CSMD3: variants seen among roughly 807,000 people sequenced by gnomAD.
CSMD3 encodes the protein CUB and Sushi multiple domains 3, also known as CUB and sushi domain-containing protein 3.
A neutral mutation model predicts 435.2 loss-of-function variants in CSMD3; 177 were observed. The ratio of observed to expected loss-of-function variants is 0.41; its 90% CI spans 0.36 to 0.46. The LOEUF is 0.46. CSMD3 is among the 20% of genes least tolerant of loss of function. The pLI is 0.34. For missense variants in CSMD3, 4,265 were observed against 4,504.6 expected (o/e 0.95, Z 1.52); for synonymous variants, 1,656 against 1,520.5 (o/e 1.09, Z -2.07).
chr8:112,240,009 T>C (rs1006715244), intron 66 of CSMD3, among the ~76,000 whole-genome samples: 23 of 152,178 alleles, frequency 1.5e-4, no homozygotes, highest in Middle Eastern at 3.4e-3. Flanking sequence ...CAAATTTCCC[T>C]CTTAACTTTC....
chr8:113,408,645 G>A (rs556295016), intron 1 of CSMD3, among the ~76,000 whole-genome samples: 1 of 151,512 alleles, frequency 6.6e-6, no homozygotes, highest in Non-Finnish European at 1.5e-5. Context: ...ACATTTCCAC[G>A]TGACAAGGAG....
At chr8:112,957,718 G>A (rs963919799) in intron 7 of CSMD3, among the ~76,000 whole-genome samples, 1 of 147,104 alleles carries the variant, frequency 6.8e-6, no homozygotes, top group Admixed American at 6.9e-5. Context: ...AAAGTGCTGG[G>A]AAACGGTGTA....
At chr8:113,033,753 C>T (rs1175774712) in intron 5 of CSMD3, among the ~76,000 whole-genome samples, 1 of 151,110 alleles carries the variant, frequency 6.6e-6, no homozygotes, top group African/African-American at 2.4e-5. Flanking sequence ...GTGAAAAGTA[C>T]ATGAGATTTG....
At chr8:112,611,303 A>G (rs1833242009) in intron 22 of CSMD3, among the ~76,000 whole-genome samples, 1 of 152,120 alleles carries the variant, frequency 6.6e-6, no homozygotes, top group Non-Finnish European at 1.5e-5. Flanking sequence ...TATCTTCCCA[A>G]AAGCATTTCT....
chr8:113,234,834 G>A (rs764663378), intron 3 of CSMD3, among the ~76,000 whole-genome samples: 1 of 152,046 alleles, frequency 6.6e-6, no homozygotes, highest in South Asian at 2.1e-4. Flanking sequence ...CAGCTAACAC[G>A]TGTGACGATT....
At chr8:113,007,778 G>A (rs2086111019) in intron 6 of CSMD3, among the ~76,000 whole-genome samples, 1 of 151,736 alleles carries the variant, frequency 6.6e-6, no homozygotes, top group African/African-American at 2.4e-5. Flanking sequence ...AGATACCTAA[G>A]GTTATAACTA....
intron 5 of CSMD3, among the ~76,000 whole-genome samples, chr8:113,054,576 T>C (rs1358107024): frequency 2.0e-5 from 3 of 152,204 alleles, no homozygotes; most frequent in Non-Finnish European, 2.9e-5. Flanking sequence ...TGTTTGTCTA[T>C]CATTTGCTCC....
intron 2 of CSMD3, among the ~76,000 whole-genome samples, chr8:113,294,866 C>T (rs1024788625): frequency 3.9e-5 from 6 of 151,958 alleles, no homozygotes; most frequent in Non-Finnish European, 5.9e-5. Flanking sequence ...AATAGTAATG[C>T]GGAGTCATAG....
chr8:113,295,125 A>C (rs964158636), intron 2 of CSMD3, among the ~76,000 whole-genome samples: 6 of 152,154 alleles, frequency 3.9e-5, no homozygotes, highest in African/African-American at 1.4e-4. Context: ...TAATCACATC[A>C]TGGTAAATGG....
chr8:113,306,149 T>C (rs2093819236), intron 2 of CSMD3, among the ~76,000 whole-genome samples: 1 of 152,154 alleles, frequency 6.6e-6, no homozygotes, highest in African/African-American at 2.4e-5. Context: ...AAATAATAAA[T>C]AATAACTATT....
intron 31 of CSMD3, among the ~76,000 whole-genome samples, chr8:112,490,311 G>A (rs145307258): frequency 2.0e-5 from 3 of 152,264 alleles, no homozygotes; most frequent in African/African-American, 7.2e-5. Flanking sequence ...CAGGTCTGCT[G>A]TATGCTCTAA....
intron 32 of CSMD3, among the ~76,000 whole-genome samples, chr8:112,467,679 G>A (rs72676615): frequency 3.3e-4 from 50 of 152,062 alleles, no homozygotes; most frequent in Non-Finnish European, 6.5e-4. Context: ...GAGTAGAGTG[G>A]GCCCTAAATC....
chr8:112,435,682 T>C lies in CSMD3; in HGVS notation c.5396-26650A>G, dbSNP rs1814248024. 2.6e-5 allele frequency among the ~76,000 whole-genome samples: 4 copies of C among 152,158 alleles called. 1 individual carries two copies. The South Asian group carries it at 8.3e-4, about 32-fold the overall frequency. On this transcript the variant is annotated intron_variant, in intron 32 of 70. Transcript: ENST00000297405. Reference sequence around the variant, plus strand: ...TCACAGCAGTTAGTGGAATGCCTACTAAGACAAAAACACAGATGGGGCACA... The same window carrying C: ...TCACAGCAGTTAGTGGAATGCCTACCAAGACAAAAACACAGATGGGGCACA...
chr8:112,548,385 T>C (rs1827377855), intron 27 of CSMD3, among the ~76,000 whole-genome samples: 2 of 152,124 alleles, frequency 1.3e-5, no homozygotes, highest in Non-Finnish European at 1.5e-5. Flanking sequence ...AGCTTTCTAT[T>C]CCCCCTGGCA....
chr8:113,213,545 C>T (rs1415198864), intron 3 of CSMD3, among the ~76,000 whole-genome samples: 1 of 149,810 alleles, frequency 6.7e-6, no homozygotes, highest in African/African-American at 2.5e-5. Flanking sequence ...ATGTTTAAGT[C>T]ATTAGTGAAA....
intron 4 of CSMD3, among the ~76,000 whole-genome samples, chr8:113,166,891 G>A (rs565652579): frequency 5.3e-5 from 8 of 152,160 alleles, no homozygotes; most frequent in African/African-American, 1.2e-4. Context: ...TAAAAATAAC[G>A]TAGTTATTAC....
chr8:112,469,253 G>C (rs186781910), intron 32 of CSMD3, among the ~76,000 whole-genome samples: 10 of 150,612 alleles, frequency 6.6e-5, no homozygotes, highest in African/African-American at 2.4e-4. Context: ...ACTGTCATCT[G>C]TTCTTACATT....
At chr8:112,490,025 T>C (rs370578715) in intron 31 of CSMD3, among the ~76,000 whole-genome samples, 1 of 152,198 alleles carries the variant, frequency 6.6e-6, no homozygotes, top group African/African-American at 2.4e-5. Context: ...AGAAGTATAC[T>C]AGTTAACCAA....
intron 5 of CSMD3, among the ~76,000 whole-genome samples, chr8:113,034,921 G>A (rs904648504): frequency 1.3e-5 from 2 of 151,984 alleles, no homozygotes; most frequent in Non-Finnish European, 2.9e-5. Flanking sequence ...ACATGAAGCA[G>A]AAACTGATAC....
Sources: allele counts gnomAD v4.1 joint callset (sites outside exome capture counted in the v4.1 genomes callset), GRCh38; gene constraint gnomAD v4.1.1; transcripts MANE v1.5; gene names NCBI Gene and HGNC (gene_info 2026-07-23, HGNC 2026-07-21).